KAZN: variants seen among roughly 807,000 people sequenced by gnomAD.
The protein encoded by KAZN is kazrin, periplakin interacting protein.
Under a neutral mutation model 87.4 loss-of-function variants are expected in KAZN, and 40 were observed. That is an observed-to-expected ratio of 0.46 (90% CI 0.36 to 0.60). The LOEUF (loss-of-function observed/expected upper bound fraction) is 0.60. Ranked by LOEUF, KAZN falls within the 20% of genes least tolerant of loss-of-function variation. The pLI, the probability that KAZN is intolerant of heterozygous loss-of-function variation, is 0.00. For missense variants in KAZN, 898 were observed against 1,073.9 expected (o/e 0.84, Z 2.29); for synonymous variants, 466 against 458.3 (o/e 1.02, Z -0.22).
At chr1:13,932,979 C>T (rs1204916284) in intron 1 of KAZN, among the ~76,000 whole-genome samples, 1 of 152,164 alleles carries the variant, frequency 6.6e-6, no homozygotes, top group Non-Finnish European at 1.5e-5. Flanking sequence ...AAAAATACTA[C>T]AGAGAATTCC....
At chr1:14,319,549 T>C (rs1438136940) in intron 2 of KAZN, among the ~76,000 whole-genome samples, 1 of 151,768 alleles carries the variant, frequency 6.6e-6, no homozygotes, top group African/African-American at 2.4e-5. Flanking sequence ...TAGAGCCCCG[T>C]TCTCTCCCGA....
chr1:14,851,618 G>A (rs1390362041), intron 1 of KAZN, among the ~76,000 whole-genome samples: 1 of 152,204 alleles, frequency 6.6e-6, no homozygotes, highest in African/African-American at 2.4e-5. Flanking sequence ...AGGCCTTCGG[G>A]GTTACCATGC....
chr1:14,296,980 A>C (rs748169530), intron 2 of KAZN, among the ~76,000 whole-genome samples: 6 of 152,016 alleles, frequency 3.9e-5, no homozygotes, highest in Non-Finnish European at 8.8e-5. Context: ...CTCTGTGTAT[A>C]TTTGTGTGCA....
At chr1:14,828,018 G>A (rs1344281154) in intron 1 of KAZN, among the ~76,000 whole-genome samples, 2 of 152,196 alleles carry the variant, frequency 1.3e-5, no homozygotes, top group African/African-American at 4.8e-5. Context: ...CAATGCTTAA[G>A]CCAGAGATGA....
At chr1:15,046,407 T>TGAG (rs1673532904) in intron 4 of KAZN, among the ~76,000 whole-genome samples, 1 of 151,466 alleles carries the variant, frequency 6.6e-6, no homozygotes, top group Non-Finnish European at 1.5e-5. Flanking sequence ...GCTGAGTGGC[T>TGAG]GAGGAGGAGG....
In KAZN at chr1:14,272,960, G is replaced by A. The variant is rs74057134; in HGVS notation, c.249+92368G>A. Among the ~76,000 whole-genome samples, 1,320 of 152,214 alleles carry A rather than the reference G, an allele frequency of 8.7e-3. 22 individuals are homozygous for A. Among genetic ancestry groups the A allele is most frequent in the African/African-American group, 0.029 (1,189 of 41,536 alleles). On this transcript the variant is annotated intron_variant, in intron 2 of 16. Transcript: ENST00000636203. ...TCCAAAAGAAGTTAGAGCTGTGAGA[G>A]GAATAAGAGATCACTAATAGTTCTG...
Position 15,047,726 on chromosome 1 carries a change from G to A in KAZN, c.726+3567G>A, listed in dbSNP as rs1028787534. ...GCAGAGGTTGCACTGAGCCAAAATC[G>A]CACCACTGCACTCCAGCCTGGGCAA... On this transcript the variant is annotated intron_variant, in intron 4 of 14. Transcript: ENST00000376030. 3.9e-5 allele frequency among the ~76,000 whole-genome samples: 6 copies of A among 152,098 alleles called. No individual in the cohort carries two copies. The South Asian group carries it at 6.2e-4, about 16-fold the overall frequency.
At chr1:14,388,903 T>A (rs1662182103) in intron 2 of KAZN, among the ~76,000 whole-genome samples, 1 of 151,760 alleles carries the variant, frequency 6.6e-6, no homozygotes, top group African/African-American at 2.4e-5. Context: ...ATCAACAAAG[T>A]GAATAGAAAA....
chr1:14,075,143 A>G (rs1007305940), intron 1 of KAZN, among the ~76,000 whole-genome samples: 10 of 152,336 alleles, frequency 6.6e-5, no homozygotes, highest in Middle Eastern at 3.4e-3. Context: ...TGGTTGTATA[A>G]TGGGGAATTT....
At chr1:14,128,402 C>A (rs575965606) in intron 1 of KAZN, among the ~76,000 whole-genome samples, 2 of 152,108 alleles carry the variant, frequency 1.3e-5, no homozygotes, top group South Asian at 2.1e-4. Context: ...GTGGCTTAAA[C>A]CATCAACATT....
At chr1:14,491,455 C>G (rs1669641728) in intron 2 of KAZN, among the ~76,000 whole-genome samples, 1 of 152,120 alleles carries the variant, frequency 6.6e-6, no homozygotes, top group African/African-American at 2.4e-5. Context: ...CTCCCCTAGT[C>G]CCCTACCCGC....
At chr1:14,303,669 C>T (rs1172654575) in intron 2 of KAZN, among the ~76,000 whole-genome samples, 1 of 152,202 alleles carries the variant, frequency 6.6e-6, no homozygotes, top group Non-Finnish European at 1.5e-5. Context: ...ATGAACAAGG[C>T]TCATCTTTGC....
intron 1 of KAZN, among the ~76,000 whole-genome samples, chr1:14,689,302 C>A (rs558665327): frequency 6.6e-6 from 1 of 152,202 alleles, no homozygotes; most frequent in African/African-American, 2.4e-5. Context: ...TTACAGAGAG[C>A]TACTCAGGGC....
At chr1:14,771,591 C>T (rs1188444663) in intron 1 of KAZN, among the ~76,000 whole-genome samples, 1 of 152,014 alleles carries the variant, frequency 6.6e-6, no homozygotes, top group Admixed American at 6.6e-5. Flanking sequence ...TTTGGGAGGC[C>T]AAGGCGGGCA....
chr1:13,932,551 C>T (rs905147590), intron 1 of KAZN, among the ~76,000 whole-genome samples: 3 of 152,328 alleles, frequency 2.0e-5, no homozygotes, highest in South Asian at 4.1e-4. Context: ...TGAGCCACCG[C>T]GCCCGGCCTT....
intron 1 of KAZN, among the ~76,000 whole-genome samples, chr1:14,944,375 T>G (rs1661493099): frequency 6.6e-6 from 1 of 152,270 alleles, no homozygotes; most frequent in Non-Finnish European, 1.5e-5. Context: ...GGTTGTGGCC[T>G]GATGCCGGGG....
At chr1:14,178,693 A>C (rs1646134774) in intron 1 of KAZN, among the ~76,000 whole-genome samples, 1 of 152,144 alleles carries the variant, frequency 6.6e-6, no homozygotes, top group African/African-American at 2.4e-5. Context: ...ATTTTTCTCC[A>C]AGCTATTAGT....
intron 1 of KAZN, among the ~76,000 whole-genome samples, chr1:14,126,202 AC>A (rs1290704951): frequency 2.6e-5 from 4 of 152,084 alleles, no homozygotes; most frequent in Non-Finnish European, 5.9e-5. Context: ...AACAGGTAGG[AC>A]TTTCAGTCAC....
chr1:14,436,851 G>C (rs1441416289), intron 2 of KAZN, among the ~76,000 whole-genome samples: 1 of 152,140 alleles, frequency 6.6e-6, no homozygotes, highest in Non-Finnish European at 1.5e-5. Context: ...CTGGTCAGTG[G>C]AGCAAAGAGG....
Sources: allele counts gnomAD v4.1 joint callset (sites outside exome capture counted in the v4.1 genomes callset), GRCh38; gene constraint gnomAD v4.1.1; transcripts MANE v1.5; gene names NCBI Gene and HGNC (gene_info 2026-07-23, HGNC 2026-07-21).